Variants in EIF2B2 observed in about 807,000 individuals in gnomAD.
EIF2B2 encodes the protein translation initiation factor eIF2B subunit beta.
EIF2B2 carries 34 observed loss-of-function variants against 34.7 expected under a neutral mutation model. The ratio of observed to expected loss-of-function variants is 0.98; its 90% CI spans 0.75 to 1.31. The LOEUF (loss-of-function observed/expected upper bound fraction) is 1.31, where lower values mean the gene tolerates loss of function less well. Among genes scored for constraint, EIF2B2 ranks in the 50% most tolerant of loss-of-function variants. The pLI, the probability that EIF2B2 is intolerant of heterozygous loss-of-function variation, is 0.00. For missense variants in EIF2B2, 361 were observed against 447.7 expected (o/e 0.81, Z 1.75); for synonymous variants, 155 against 171.6 (o/e 0.90, Z 0.76).
In EIF2B2 at chr14:75,006,075, A is replaced by T. The variant is rs1206185877; in HGVS notation, c.693+114A>T. 1 of 886,064 alleles carries T rather than the reference A, an allele frequency of 1.1e-6. No individual in the cohort carries two copies. 54.9% of individuals were successfully genotyped at this position (886,064 alleles called of 1,614,324 possible). ...AGAATAAAGTTTCTAGCACCTTTCA[A>T]AGTACATACTTAGGCCTTTTTAATC... On this transcript the variant is annotated intron_variant, in intron 5 of 7. Coordinates refer to ENST00000266126, the MANE Select transcript of EIF2B2 (RefSeq NM_014239.4). The surrounding 1 kb of genome is among the most constrained non-coding windows in gnomAD (Gnocchi z 4.1).
intron 7 of EIF2B2, 79 bp from the exon 8 acceptor site, chr14:75,008,952 G>C: frequency 1.9e-6 from 3 of 1,597,550 alleles, no homozygotes; most frequent in Non-Finnish European, 2.6e-6. Flanking sequence ...CTGCATTCTC[G>C]AGCCTGGAAT....
rs1363503047 is a variant in EIF2B2 at position 75,003,348 on chromosome 14, C to T, written c.237C>T (p.Gly79=). The T allele has an allele frequency of 2.5e-6, 4 of 1,614,006 alleles. No individual in the cohort carries two copies. Among genetic ancestry groups the T allele is most frequent in the Non-Finnish European group, 3.4e-6 (4 of 1,180,000 alleles). ...TAAQPSETTV[G]NMVRRVLKII... is the part of the protein sequence containing the mutation. The stretch of plus-strand genomic sequence containing the variant: ...CTCAGCCCTCCGAGACCACCGTGGG[C>T]AACATGGTGCGGAGAGTGCTCAAGA... The change falls in exon 2 of 8, where the codon GGC becomes GGT. Residue 79 remains glycine (G), a synonymous_variant. Coordinates refer to ENST00000266126, the MANE Select transcript of EIF2B2 (RefSeq NM_014239.4).
In EIF2B2 at chr14:75,005,922, T is replaced by G. The variant is rs1186140444; in HGVS notation, c.654T>G (p.Thr218=). ...CAGGTATTGAGACAACTGTCATGAC[T>G]GATGCTGCCATTTTTGCCGTTATGT... ...SKAGIETTVM[T]DAAIFAVMSR... Residue 218 remains threonine (T), a synonymous_variant, in exon 5 of 8, where the codon ACT becomes ACG. Coordinates refer to ENST00000266126, the MANE Select transcript of EIF2B2 (RefSeq NM_014239.4). The G allele has an allele frequency of 6.2e-7, 1 of 1,613,668 alleles. No homozygotes were observed. Among genetic ancestry groups the G allele is most frequent in the Non-Finnish European group, 8.5e-7 (1 of 1,179,646 alleles).
chr14:75,004,656 A>T lies in EIF2B2; in HGVS notation c.434-81A>T, dbSNP rs552202441. On this transcript the variant is annotated intron_variant, in intron 3 of 7. Transcript: ENST00000266126. ...TATACGCGTAATGTGTGTTTGTGAT[A>T]TAGCAATTTCATATATATATATATA... 108 of 466,408 alleles carry T rather than the reference A, an allele frequency of 2.3e-4. 1 individual carries two copies. Among genetic ancestry groups the T allele is most frequent in the South Asian group, 1.0e-3 (12 of 11,858 alleles). The allele number at this position is 466,408 out of a possible 1,614,324, so 28.9% of individuals were successfully genotyped here. A position where few individuals can be genotyped will look rare whatever the true frequency, so the allele number is the denominator to read the frequency against.
Position 75,005,940 on chromosome 14 carries a change from C to T in EIF2B2, c.672C>T (p.Ala224=), listed in dbSNP as rs528714025. The T allele has an allele frequency of 2.3e-5, 37 of 1,612,998 alleles. No individual in the cohort carries two copies. The East Asian group carries it at 3.1e-4, about 14-fold the overall frequency. The stretch of plus-strand genomic sequence containing the variant: ...TCATGACTGATGCTGCCATTTTTGC[C>T]GTTATGTCAAGAGTCAACAAGGTGG... ...TTVMTDAAIF[A]VMSRVNKVII... The change falls in exon 5 of 8, where the codon GCC becomes GCT. Residue 224 remains alanine, a synonymous_variant. Transcript: ENST00000266126.
In EIF2B2 at chr14:75,006,388, A is replaced by G. The variant is rs1039391028; in HGVS notation, c.694-189A>G. 1 of 780,660 alleles carries G rather than the reference A, an allele frequency of 1.3e-6. No homozygotes were observed. Among genetic ancestry groups the G allele is most frequent in the Non-Finnish European group, 2.0e-6 (1 of 496,710 alleles). The allele number at this position is 780,660 out of a possible 1,614,324, so 48.4% of individuals were successfully genotyped here. ...TTTGCAGTTTCTTGTCCCATTTTAC[A>G]TTCATTCTTTCCTTGGAAACCTACT... On this transcript the variant is annotated intron_variant, in intron 5 of 7. Transcript: ENST00000266126. The surrounding 1 kb of genome is among the most constrained non-coding windows in gnomAD (Gnocchi z 4.1).
Position 75,009,294 on chromosome 14 carries a change from GTCCACCT to G in EIF2B2, c.*107_*113del. 7.1e-7 allele frequency: 1 copy of G among 1,417,744 alleles called. No homozygotes were observed. The highest frequency in any genetic ancestry group is 1.4e-5 in the African/African-American group (1 of 70,954). 87.8% of individuals were successfully genotyped at this position (1,417,744 alleles called of 1,614,324 possible). Reference sequence around the variant, plus strand: ...CCTTGCAATGTGGGAGTGCACAGGAGTCCACCTAAAAAAAAAATCCTTGATACTGTTG... The same window carrying G: ...CCTTGCAATGTGGGAGTGCACAGGAGAAAAAAAAAATCCTTGATACTGTTG... On this transcript the variant is annotated 3_prime_UTR_variant, in exon 8 of 8. Coordinates refer to ENST00000266126, the MANE Select transcript of EIF2B2 (RefSeq NM_014239.4).
intron 6 of EIF2B2, chr14:75,007,362 A>G (rs1262862471): frequency 1.7e-5 from 6 of 346,104 alleles, no homozygotes; most frequent in East Asian, 7.6e-5. Flanking sequence ...ATCTCCTCCA[A>G]TCTGCTCCTG....
In EIF2B2 at chr14:75,003,109, G is replaced by C. The variant is rs139325888; in HGVS notation, c.119G>C (p.Gly40Ala). ...SSEEMARETL[G>A]LLRQIITDHR... is the part of the protein sequence containing the mutation. ...GAGGAAATGGCTCGGGAGACCCTAG[G>C]GTTGCTGCGCCAGATCATCACGGAC... Residue 40 changes from glycine to alanine, a missense_variant, in exon 1 of 8, where the codon GGG becomes GCG. Transcript: ENST00000266126. The C allele has an allele frequency of 5.1e-5, 82 of 1,613,626 alleles. No individual in the cohort carries two copies. Among genetic ancestry groups the C allele is most frequent in the African/African-American group, 1.3e-5 (1 of 74,926 alleles).
At chr14:75,008,802 C>T (rs772735678) in intron 7 of EIF2B2, among the ~76,000 whole-genome samples, 15 of 152,204 alleles carry the variant, frequency 9.9e-5, no homozygotes, top group Non-Finnish European at 1.9e-4. Flanking sequence ...AGATCTTAAA[C>T]TTCAATCCTG....
chr14:75,006,678 C>T lies in EIF2B2; in HGVS notation c.795C>T (p.Leu265=), dbSNP rs760700392. The T allele has an allele frequency of 1.2e-6, 2 of 1,614,234 alleles. No individual in the cohort carries two copies. Among genetic ancestry groups the T allele is most frequent in the Admixed American group, 3.3e-5 (2 of 60,032 alleles). Residue 265 remains leucine (L), a synonymous_variant, in exon 6 of 8, where the codon CTC becomes CTT. Transcript: ENST00000266126. This position sits in a 1 kb window ranked among gnomAD's most constrained non-coding sequence, Gnocchi z 4.1. ...CAGCAAAACACCATTCCACCCCACT[C>T]ATCGTCTGTGCACCTATGTTCAAAC... The part of the protein sequence containing the change: ...ALAAKHHSTP[L]IVCAPMFKLS...
intron 4 of EIF2B2, among the ~76,000 whole-genome samples, chr14:75,005,283 A>C (rs1335821859): frequency 6.6e-6 from 1 of 152,064 alleles, no homozygotes; most frequent in Non-Finnish European, 1.5e-5. Flanking sequence ...AGGGTGAGGC[A>C]GGAGAATTGC....
At position 75,009,335 on chromosome 14, in the gene EIF2B2, T is replaced by G. The variant is rs1889672563; in HGVS notation, c.*147T>G. 5 of 930,660 alleles carry G rather than the reference T, an allele frequency of 5.4e-6. No homozygotes were observed. Among genetic ancestry groups the G allele is most frequent in the South Asian group, 1.3e-5 (1 of 74,516 alleles). 57.7% of individuals were successfully genotyped at this position (930,660 alleles called of 1,614,324 possible). On this transcript the variant is annotated 3_prime_UTR_variant, in exon 8 of 8. Coordinates refer to ENST00000266126, the MANE Select transcript of EIF2B2 (RefSeq NM_014239.4). ...AATCCTTGATACTGTTGCCTGCCTT[T>G]TTAGTCACCCCGTAACAAGGGCACA... is the stretch of plus-strand genomic sequence containing the variant.
At chr14:75,004,000 T>G (rs1196925141) in intron 3 of EIF2B2, among the ~76,000 whole-genome samples, 2 of 152,224 alleles carry the variant, frequency 1.3e-5, no homozygotes, top group East Asian at 3.8e-4. Flanking sequence ...AGAGCCAAGG[T>G]CGATAGACCT....
rs773533246 is a variant in EIF2B2, at chr14:75,007,801, T to C, written c.898+13T>C. ...CCATTCACAGAAGGTACAGAAGCTG[T>C]GTGTGCATGCGTGCATGTGTTGTGT... On this transcript the variant is annotated intron_variant, in intron 7 of 7. Transcript: ENST00000266126. 73 of 1,613,008 alleles carry C rather than the reference T, an allele frequency of 4.5e-5. No homozygotes were observed. Among genetic ancestry groups the C allele is most frequent in the Admixed American group, 1.7e-4 (10 of 59,996 alleles).
rs1286422561 is a variant in EIF2B2, at chr14:75,009,309, A to T, written c.*121A>T. ...GTGCACAGGAGTCCACCTAAAAAAA[A>T]AATCCTTGATACTGTTGCCTGCCTT... On this transcript the variant is annotated 3_prime_UTR_variant, in exon 8 of 8. Coordinates refer to ENST00000266126, the MANE Select transcript of EIF2B2 (RefSeq NM_014239.4). 2 of 1,280,562 alleles carry T rather than the reference A, an allele frequency of 1.6e-6. No individual in the cohort carries two copies. The highest frequency in any genetic ancestry group is 1.1e-6 in the Non-Finnish European group (1 of 889,486). 79.3% of individuals were successfully genotyped at this position (1,280,562 alleles called of 1,614,324 possible).
rs1230382829 is a variant in EIF2B2 at position 75,004,666 on chromosome 14, C to CATATATATATATATATATAT, written c.434-66_434-47dup. 1.7e-4 allele frequency: 31 copies of CATATATATATATATATATAT among 184,076 alleles called. 1 individual carries two copies. In the African/African-American group the frequency reaches 2.1e-3, roughly 13 times the overall value. The allele number at this position is 184,076 out of a possible 1,614,324, so 11.4% of individuals were successfully genotyped here. Reference sequence around the variant, plus strand: ...ATGTGTGTTTGTGATATAGCAATTTCATATATATATATATATATATATATT... The same window carrying CATATATATATATATATATAT: ...ATGTGTGTTTGTGATATAGCAATTTCATATATATATATATATATATATATATATATATATATATATATATT... On this transcript the variant is annotated intron_variant, in intron 3 of 7. Transcript: ENST00000266126.
At chr14:75,005,786 C>T in intron 4 of EIF2B2, 80 bp from the exon 5 acceptor site, 1 of 1,092,356 alleles carries the variant, frequency 9.2e-7, no homozygotes, top group Non-Finnish European at 1.4e-6. Flanking sequence ...ACACAATTCC[C>T]CAGATCCAGT....
intron 6 of EIF2B2, 191 bp from the exon 7 acceptor site, chr14:75,007,531 C>T (rs947498295): frequency 1.9e-6 from 1 of 532,230 alleles, no homozygotes; most frequent in African/African-American, 1.9e-5. Flanking sequence ...TATGAACATA[C>T]CACAATTTAT....
Sources: gnomAD v4.1 joint callset for allele counts (sites outside exome capture counted in the v4.1 genomes callset) on GRCh38, gnomAD v4.1.1 for gene constraint, Gnocchi (gnomAD v3.1) non-coding constraint, MANE v1.5 for transcripts, NCBI Gene and HGNC (gene_info 2026-07-23, HGNC 2026-07-21) for gene names.